Variants in CD163L1 observed in about 807,000 individuals in gnomAD.
CD163L1 encodes the protein scavenger receptor cysteine-rich type 1 protein M160.
In CD163L1, 124 loss-of-function variants were observed where a neutral mutation model predicts 165.4. The observed-to-expected ratio is 0.75, with a 90% CI of 0.65 to 0.87. The LOEUF (loss-of-function observed/expected upper bound fraction) is 0.87. Ranked by LOEUF, CD163L1 falls within the 40% of genes least tolerant of loss-of-function variation. The probability of loss-of-function intolerance (pLI) is 0.00; values close to 1 mark genes in which losing one functional copy is unlikely to be tolerated. For synonymous variants in CD163L1, 585 were observed against 662.2 expected (o/e 0.88, Z 1.79); for missense variants, 1,525 against 1,799.9 (o/e 0.85, Z 2.76).
At chr12:7,361,465 T>C (rs1167825201) in intron 18 of CD163L1, among the ~76,000 whole-genome samples, 2 of 152,224 alleles carry the variant, frequency 1.3e-5, no homozygotes, top group Non-Finnish European at 2.9e-5. Context: ...GGGGTCATTC[T>C]TTCATGCTCT....
At chr12:7,346,709 T>G (rs1946672521) in exon 5 of CD163L1, 2 of 152,088 alleles carry the variant, frequency 1.3e-5, no homozygotes, top group African/African-American at 4.8e-5. Context: ...AGGGAATAAT[T>G]ATGCTTACAA....
intron 8 of CD163L1, among the ~76,000 whole-genome samples, chr12:7,389,960 TTATATA>T (rs59235889): frequency 7.4e-6 from 1 of 135,962 alleles, no homozygotes; most frequent in Non-Finnish European, 1.6e-5. Flanking sequence ...ATATATATAT[TTATATA>T]TATATATATA....
intron 2 of CD163L1, chr12:7,439,918 A>G (rs1948794334): frequency 6.3e-7 from 1 of 1,599,158 alleles, no homozygotes; most frequent in East Asian, 2.2e-5. Context: ...GACTTCGGCC[A>G]ACTCCTCAGT....
At chr12:7,338,628 T>C in the CD163L1 span, among the ~76,000 whole-genome samples, 23 of 152,292 alleles carry the variant, frequency 1.5e-4, no homozygotes, top group South Asian at 1.2e-3. Flanking sequence ...AATATCTGTC[T>C]AGTAACCTAC....
chr12:7,363,895 T>C (rs1377482567), intron 18 of CD163L1, among the ~76,000 whole-genome samples: 2 of 152,082 alleles, frequency 1.3e-5, no homozygotes, highest in Admixed American at 1.3e-4. Flanking sequence ...ATTCAAACTC[T>C]TAATGAAATT....
At chr12:7,351,559 C>A (rs1281441267), downstream of CD163L1, among the ~76,000 whole-genome samples, 1 of 152,136 alleles carries the variant, frequency 6.6e-6, no homozygotes, top group Admixed American at 6.6e-5. Context: ...ACCTACATTA[C>A]CTCCTTAAGG....
downstream of CD163L1, among the ~76,000 whole-genome samples, chr12:7,352,569 C>T (rs1388628934): frequency 6.6e-6 from 1 of 152,096 alleles, no homozygotes; most frequent in Non-Finnish European, 1.5e-5. Flanking sequence ...TTCCCTGACA[C>T]ACAGAGATCT....
intron 4 of CD163L1, among the ~76,000 whole-genome samples, chr12:7,414,715 AAACT>A (rs2136558600): frequency 6.6e-6 from 1 of 152,276 alleles, no homozygotes; most frequent in East Asian, 1.9e-4. Flanking sequence ...CAGCAACAGA[AAACT>A]AGCCACATGC....
chr12:7,353,061 C>A (rs1025163679), downstream of CD163L1, among the ~76,000 whole-genome samples: 3 of 151,498 alleles, frequency 2.0e-5, no homozygotes, highest in African/African-American at 7.3e-5. Flanking sequence ...TAAAGAAAAT[C>A]ATATTTAAAG....
intron 14 of CD163L1, among the ~76,000 whole-genome samples, chr12:7,371,762 A>G (rs1947150813): frequency 6.6e-6 from 1 of 152,068 alleles, no homozygotes; most frequent in East Asian, 1.9e-4. Context: ...GGTGCATAAG[A>G]TTATAGTATA....
At chr12:7,421,087 GTA>G (rs1491330113) in intron 4 of CD163L1, among the ~76,000 whole-genome samples, 25 of 94,018 alleles carry the variant, frequency 2.7e-4, no homozygotes, top group African/African-American at 9.4e-4. Context: ...ATATATATAC[GTA>G]TATATATGTA....
Position 7,431,683 on chromosome 12 carries a change from C to A in CD163L1, c.766+733G>T, listed in dbSNP as rs777736450. Among the ~76,000 whole-genome samples, 8 of 151,846 alleles carry A rather than the reference C, an allele frequency of 5.3e-5. No individual in the cohort carries two copies. In the South Asian group the frequency reaches 1.3e-3, roughly 24 times the overall value. Reference sequence around the variant, plus strand: ...ATGACGAGTTGATGGGTGCAGCAAACCAACATGGCACATGTATACCTATGT... The same window carrying A: ...ATGACGAGTTGATGGGTGCAGCAAAACAACATGGCACATGTATACCTATGT... On this transcript the variant is annotated intron_variant, in intron 4 of 19. Coordinates refer to ENST00000313599, the MANE Select transcript of CD163L1 (RefSeq NM_174941.6).
chr12:7,368,577 A>AGT lies in CD163L1; in HGVS notation c.4072+354_4072+355dup, dbSNP rs1393998344. On this transcript the variant is annotated intron_variant, in intron 16 of 19. Transcript: ENST00000313599. The surrounding 1 kb of genome is among the most constrained non-coding windows in gnomAD (Gnocchi z 4.3). Reference sequence around the variant, plus strand: ...GAGTCTCATTCTGTCACCCAGGCTGAGTGTACTGGCACGATCTCGGCTCAC... The same window carrying AGT: ...GAGTCTCATTCTGTCACCCAGGCTGAGTGTGTACTGGCACGATCTCGGCTCAC... Among the ~76,000 whole-genome samples the AGT allele has an allele frequency of 1.4e-5, 2 of 144,988 alleles. No individual in the cohort carries two copies. The highest frequency in any genetic ancestry group is 5.2e-5 in the African/African-American group (2 of 38,612).
At chr12:7,378,266 G>A (rs140148705) in intron 9 of CD163L1, among the ~76,000 whole-genome samples, 176 of 152,048 alleles carry the variant, frequency 1.2e-3, no homozygotes, top group African/African-American at 3.9e-3. Context: ...TCAAAATTCC[G>A]TATCTTCCCT....
chr12:7,359,945 TTG>T (rs1294902805), intron 18 of CD163L1, among the ~76,000 whole-genome samples: 2 of 152,152 alleles, frequency 1.3e-5, no homozygotes, highest in African/African-American at 4.8e-5. Context: ...TATTTTTCCT[TTG>T]TGTTTGATTT....
At chr12:7,325,713 G>C in the CD163L1 span, among the ~76,000 whole-genome samples, 3 of 152,244 alleles carry the variant, frequency 2.0e-5, no homozygotes, top group South Asian at 6.2e-4. Flanking sequence ...AGCCTATTTA[G>C]GATCTAAGGA....
chr12:7,424,336 T>C (rs189548282), intron 4 of CD163L1, among the ~76,000 whole-genome samples: 97 of 150,968 alleles, frequency 6.4e-4, no homozygotes, highest in Middle Eastern at 3.5e-3. Context: ...GGAAGACATC[T>C]CAAAATAATA....
At chr12:7,383,752 C>G (rs756343447) in intron 8 of CD163L1, among the ~76,000 whole-genome samples, 1 of 152,208 alleles carries the variant, frequency 6.6e-6, no homozygotes, top group Non-Finnish European at 1.5e-5. Context: ...CTATAGCATG[C>G]ACCCAGGATC....
chr12:7,418,670 G>A (rs1241795617), intron 4 of CD163L1, among the ~76,000 whole-genome samples: 3 of 151,826 alleles, frequency 2.0e-5, no homozygotes. Flanking sequence ...ATCCAAATAA[G>A]CTCAAATAGA....
Sources: allele counts gnomAD v4.1 joint callset (sites outside exome capture counted in the v4.1 genomes callset), GRCh38; gene constraint gnomAD v4.1.1; non-coding constraint Gnocchi (gnomAD v3.1); transcripts MANE v1.5; gene names NCBI Gene and HGNC (gene_info 2026-07-23, HGNC 2026-07-21).